PKP4: variants seen among roughly 807,000 people sequenced by gnomAD.
The protein encoded by PKP4 is plakophilin 4.
A neutral mutation model predicts 145.1 loss-of-function variants in PKP4; 90 were observed. The observed-to-expected ratio is 0.62, with a 90% CI of 0.52 to 0.74. PKP4 has a LOEUF of 0.74. PKP4 is among the 30% of genes least tolerant of loss of function. The probability of loss-of-function intolerance (pLI) is 0.00; values close to 1 mark genes in which losing one functional copy is unlikely to be tolerated. For missense variants in PKP4, 1,340 were observed against 1,482.7 expected (o/e 0.90, Z 1.58); for synonymous variants, 563 against 577.2 (o/e 0.98, Z 0.35).
At chr2:158,542,280 TTTTTA>T (rs1361947120) in intron 2 of PKP4, among the ~76,000 whole-genome samples, 2 of 152,284 alleles carry the variant, frequency 1.3e-5, no homozygotes, top group Admixed American at 6.5e-5. Flanking sequence ...AACAGCAGGA[TTTTTA>T]TTTTATTTCA....
At chr2:158,598,115 T>C (rs1184026665) in intron 3 of PKP4, among the ~76,000 whole-genome samples, 3 of 152,200 alleles carry the variant, frequency 2.0e-5, no homozygotes, top group Non-Finnish European at 4.4e-5. Context: ...TGAGCCGCTG[T>C]GTCAAGCCTG....
chr2:158,473,984 C>G (rs1205388310), intron 1 of PKP4, among the ~76,000 whole-genome samples: 1 of 152,082 alleles, frequency 6.6e-6, no homozygotes, highest in Non-Finnish European at 1.5e-5. Context: ...CAAGGTGATA[C>G]TAAATGAATT....
intron 11 of PKP4, among the ~76,000 whole-genome samples, chr2:158,650,514 C>G (rs1017275794): frequency 1.3e-5 from 2 of 152,194 alleles, no homozygotes; most frequent in African/African-American, 4.8e-5. Flanking sequence ...CTTATATTCT[C>G]TAAAGGCACT....
chr2:158,621,618 C>T (rs1486482391), intron 6 of PKP4, among the ~76,000 whole-genome samples, 197 bp downstream of exon 6: 1 of 151,962 alleles, frequency 6.6e-6, no homozygotes, highest in Non-Finnish European at 1.5e-5. Flanking sequence ...TGGTGGCGGG[C>T]GCCTGTAATC....
At chr2:158,486,804 G>C (rs1210501864) in intron 1 of PKP4, among the ~76,000 whole-genome samples, 1 of 152,230 alleles carries the variant, frequency 6.6e-6, no homozygotes, top group African/African-American at 2.4e-5. Context: ...TCCCTTGCTT[G>C]GGATGATCTG....
intron 2 of PKP4, among the ~76,000 whole-genome samples, chr2:158,533,694 T>C (rs2043785974): frequency 6.6e-6 from 1 of 152,224 alleles, no homozygotes; most frequent in African/African-American, 2.4e-5. Flanking sequence ...TTTTGAACAT[T>C]TTAACATAGG....
Position 158,640,568 on chromosome 2 carries a change from T to C in PKP4, c.1563-59T>C, listed in dbSNP as rs1031929935. 13 of 1,577,970 alleles carry C rather than the reference T, an allele frequency of 8.2e-6. No individual in the cohort carries two copies. The African/African-American group carries it at 1.8e-4, about 22-fold the overall frequency. On this transcript the variant is annotated intron_variant, in intron 9 of 21. Transcript: ENST00000389759. Reference sequence around the variant, plus strand: ...TTTTTTTCCTTATACCAAGTGTTTTTTTCAGTGTATTTTTACAACATGGGC... The same window carrying C: ...TTTTTTTCCTTATACCAAGTGTTTTCTTCAGTGTATTTTTACAACATGGGC...
chr2:158,463,537 C>G (rs889726419), intron 1 of PKP4, among the ~76,000 whole-genome samples: 1 of 152,016 alleles, frequency 6.6e-6, no homozygotes. Context: ...AAATAGATAT[C>G]AAGAGGCTCT....
At chr2:158,485,326 G>A (rs1233808095) in intron 1 of PKP4, among the ~76,000 whole-genome samples, 1 of 152,118 alleles carries the variant, frequency 6.6e-6, no homozygotes, top group Non-Finnish European at 1.5e-5. Context: ...TTTTACAGAC[G>A]AAAACACGGA....
chr2:158,676,951 G>T, intron 20 of PKP4, 84 bp downstream of exon 20: 1 of 1,522,900 alleles, frequency 6.6e-7, no homozygotes, highest in Non-Finnish European at 9.1e-7. Flanking sequence ...GAAGTAGCCT[G>T]TGCTTGTATT....
chr2:158,610,707 C>A (rs1325836746), intron 4 of PKP4, among the ~76,000 whole-genome samples: 1 of 152,092 alleles, frequency 6.6e-6, no homozygotes, highest in African/African-American at 2.4e-5. Context: ...CACAATATCA[C>A]AGTTTTTCTG....
At chr2:158,502,120 A>G (rs921619039) in intron 1 of PKP4, among the ~76,000 whole-genome samples, 1 of 152,210 alleles carries the variant, frequency 6.6e-6, no homozygotes, top group Non-Finnish European at 1.5e-5. Context: ...ATTCATGCTG[A>G]AGAGTAGATC....
intron 1 of PKP4, among the ~76,000 whole-genome samples, chr2:158,517,027 CT>C (rs1295782516): frequency 2.0e-5 from 3 of 152,134 alleles, no homozygotes; most frequent in Non-Finnish European, 4.4e-5. Context: ...AGCAATTTTA[CT>C]TTGTTTTTAT....
chr2:158,577,066 G>A lies in PKP4; in HGVS notation c.133-205G>A, dbSNP rs538758851. ...TACATGGTTTTTATGCCAAATAAAG[G>A]CTGATATTCTATTGCCTTTAGATTT... On this transcript the variant is annotated intron_variant, in intron 2 of 21. Coordinates refer to ENST00000389759, the MANE Select transcript of PKP4 (RefSeq NM_003628.6). 2.0e-5 allele frequency among the ~76,000 whole-genome samples: 3 copies of A among 152,066 alleles called. No individual in the cohort carries two copies. In the East Asian group the frequency reaches 5.8e-4, roughly 29 times the overall value.
intron 17 of PKP4, among the ~76,000 whole-genome samples, chr2:158,670,686 G>T (rs966614584): frequency 6.6e-6 from 1 of 152,144 alleles, no homozygotes; most frequent in Non-Finnish European, 1.5e-5. Context: ...TTCTGGAATT[G>T]AGTTTTCTGC....
At chr2:158,625,611 A>G (rs1364101842) in intron 7 of PKP4, among the ~76,000 whole-genome samples, 184 bp downstream of exon 7, 12 of 152,190 alleles carry the variant, frequency 7.9e-5, no homozygotes. Flanking sequence ...GAAATTATAT[A>G]CATTTATATC....
intron 1 of PKP4, among the ~76,000 whole-genome samples, chr2:158,518,766 A>G (rs2042124203): frequency 6.6e-6 from 1 of 152,166 alleles, no homozygotes; most frequent in Admixed American, 6.5e-5. Flanking sequence ...GTCCTAAAAT[A>G]CCCTTTATTT....
At chr2:158,677,428 A>G (rs1181898131) in intron 20 of PKP4, 2 of 176,564 alleles carry the variant, frequency 1.1e-5, no homozygotes, top group Admixed American at 1.1e-4. Context: ...TTTATATCCT[A>G]TTCAGAAAGC....
chr2:158,505,292 G>T (rs868358666), intron 1 of PKP4, among the ~76,000 whole-genome samples: 1 of 152,148 alleles, frequency 6.6e-6, no homozygotes, highest in Non-Finnish European at 1.5e-5. Context: ...ACTGAGCTCA[G>T]GGACCCAGAA....
Sources: gnomAD v4.1 joint callset for allele counts (sites outside exome capture counted in the v4.1 genomes callset) on GRCh38, gnomAD v4.1.1 for gene constraint, MANE v1.5 for transcripts, NCBI Gene and HGNC (gene_info 2026-07-23, HGNC 2026-07-21) for gene names.